HHAT: variants seen among roughly 807,000 people sequenced by gnomAD.
The protein encoded by HHAT is protein-cysteine N-palmitoyltransferase HHAT.
In HHAT, 47 loss-of-function variants were observed where a neutral mutation model predicts 70.8. That is an observed-to-expected ratio of 0.66 (90% CI 0.53 to 0.85). HHAT has a LOEUF of 0.85. HHAT is among the 40% of genes least tolerant of loss of function. The pLI, the probability that HHAT is intolerant of heterozygous loss-of-function variation, is 0.00. For synonymous variants in HHAT, 228 were observed against 247.6 expected, an observed-to-expected ratio of 0.92 and a Z score of 0.74; for missense variants, 609 against 604.8, an observed-to-expected ratio of 1.01 and a Z score of -0.07.
intron 7 of HHAT, among the ~76,000 whole-genome samples, chr1:210,455,751 A>G (rs1007948306): frequency 6.6e-6 from 1 of 152,186 alleles, no homozygotes; most frequent in Admixed American, 6.5e-5. Context: ...GAAATAAAAT[A>G]TTACAACATA....
intron 9 of HHAT, among the ~76,000 whole-genome samples, chr1:210,587,512 C>A (rs576736796): frequency 6.6e-6 from 1 of 152,330 alleles, no homozygotes; most frequent in African/African-American, 2.4e-5. Context: ...CACAGCCAAA[C>A]CATATCACCT....
chr1:210,420,536 A>G (rs2092867454), intron 7 of HHAT, among the ~76,000 whole-genome samples: 1 of 152,184 alleles, frequency 6.6e-6, no homozygotes. Flanking sequence ...AGTAAGAAAT[A>G]CATTTTGCCC....
In HHAT at chr1:210,335,646, CAG is replaced by C. The variant is rs1361203068; in HGVS notation, c.-44+6545_-44+6546del. Among the ~76,000 whole-genome samples, 4 of 152,122 alleles carry C rather than the reference CAG, an allele frequency of 2.6e-5. 1 individual carries two copies. The highest frequency in any genetic ancestry group is 5.9e-5 in the Non-Finnish European group (4 of 68,022). On this transcript the variant is annotated intron_variant, in intron 1 of 11. Coordinates refer to ENST00000261458, the MANE Select transcript of HHAT (RefSeq NM_018194.6). ...ACATCTGTGGTCTTTTGATTTATGA[CAG>C]AGGCAACACTGCAGGGCAGTGGAGA...
At chr1:210,337,935 ATAT>A (rs2085653345) in intron 1 of HHAT, among the ~76,000 whole-genome samples, 1 of 152,212 alleles carries the variant, frequency 6.6e-6, no homozygotes, top group Non-Finnish European at 1.5e-5. Flanking sequence ...TGGGTCTAAG[ATAT>A]TATTTGAGTG....
chr1:210,662,801 C>T (rs891315253), intron 11 of HHAT, among the ~76,000 whole-genome samples: 24 of 152,198 alleles, frequency 1.6e-4, no homozygotes, highest in African/African-American at 5.8e-4. Flanking sequence ...TAAGTGCTTG[C>T]CTGCAGAGCT....
At chr1:210,646,080 C>T (rs1028235197) in intron 11 of HHAT, among the ~76,000 whole-genome samples, 7 of 152,170 alleles carry the variant, frequency 4.6e-5, no homozygotes, top group Non-Finnish European at 8.8e-5. Flanking sequence ...GTTTTGAGTC[C>T]TCCAAAATCT....
At chr1:210,622,919 A>G (rs1490306895) in intron 10 of HHAT, among the ~76,000 whole-genome samples, 1 of 152,204 alleles carries the variant, frequency 6.6e-6, no homozygotes, top group Non-Finnish European at 1.5e-5. Flanking sequence ...GCAGAAAGCA[A>G]GTGGAGGTGG....
At chr1:210,662,197 C>T (rs1677878943) in intron 11 of HHAT, among the ~76,000 whole-genome samples, 1 of 152,114 alleles carries the variant, frequency 6.6e-6, no homozygotes, top group African/African-American at 2.4e-5. Flanking sequence ...AGGGGAGGAG[C>T]GTGGTGGCCC....
chr1:210,471,547 A>G (rs2094205111), intron 8 of HHAT, among the ~76,000 whole-genome samples: 1 of 152,090 alleles, frequency 6.6e-6, no homozygotes, highest in Non-Finnish European at 1.5e-5. Context: ...GAGATATCCT[A>G]ATGCCTTACA....
intron 11 of HHAT, among the ~76,000 whole-genome samples, chr1:210,669,989 C>T (rs1011295309): frequency 6.6e-6 from 1 of 151,756 alleles, no homozygotes; most frequent in Non-Finnish European, 1.5e-5. Flanking sequence ...AGGAGAATAC[C>T]CAGTGGGGAG....
At chr1:210,398,277 A>G (rs2091900392) in intron 4 of HHAT, among the ~76,000 whole-genome samples, 2 of 152,214 alleles carry the variant, frequency 1.3e-5, no homozygotes, top group Non-Finnish European at 2.9e-5. Context: ...TGCATCATGA[A>G]TGTATATAGT....
Position 210,514,798 on chromosome 1 carries a change from C to T in HHAT, c.1043+1610C>T, listed in dbSNP as rs567534299. Among the ~76,000 whole-genome samples, 38 of 152,332 alleles carry T rather than the reference C, an allele frequency of 2.5e-4. 1 individual carries two copies. In the South Asian group the frequency reaches 7.9e-3, roughly 32 times the overall value. On this transcript the variant is annotated intron_variant, in intron 9 of 11. Coordinates refer to ENST00000261458, the MANE Select transcript of HHAT (RefSeq NM_018194.6). ...ACCATGTCCACTTACTTGGATATGT[C>T]TGGGAATGCTGTCACTTGCAAAAAC...
intron 9 of HHAT, among the ~76,000 whole-genome samples, chr1:210,559,229 T>C (rs1474850357): frequency 6.6e-6 from 1 of 152,242 alleles, no homozygotes; most frequent in East Asian, 1.9e-4. Flanking sequence ...AGTATTTACC[T>C]ATTCATTTGC....
intron 3 of HHAT, among the ~76,000 whole-genome samples, chr1:210,369,200 C>CT (rs2089314821): frequency 6.6e-6 from 1 of 152,194 alleles, no homozygotes; most frequent in South Asian, 2.1e-4. Flanking sequence ...TCTCAAAATC[C>CT]TAATGCATTA....
At chr1:210,594,520 T>C (rs1185197624) in intron 10 of HHAT, among the ~76,000 whole-genome samples, 1 of 152,212 alleles carries the variant, frequency 6.6e-6, no homozygotes, top group Non-Finnish European at 1.5e-5. Flanking sequence ...ATCTATGTCT[T>C]TAAAAGTTGT....
intron 9 of HHAT, among the ~76,000 whole-genome samples, chr1:210,554,601 G>A (rs1008685707): frequency 6.6e-6 from 1 of 152,168 alleles, no homozygotes; most frequent in South Asian, 2.1e-4. Flanking sequence ...ATATACTAGC[G>A]AGGAGGCGGG....
intron 9 of HHAT, among the ~76,000 whole-genome samples, chr1:210,553,630 T>C (rs1222236669): frequency 6.6e-6 from 1 of 152,206 alleles, no homozygotes; most frequent in African/African-American, 2.4e-5. Context: ...ACAGTACTCT[T>C]CTCTGAGGCC....
chr1:210,521,694 A>C (rs1000520899), intron 9 of HHAT, among the ~76,000 whole-genome samples: 4 of 152,180 alleles, frequency 2.6e-5, no homozygotes, highest in Non-Finnish European at 4.4e-5. Context: ...TTTAAGAAGC[A>C]AGGTGGTCAA....
intron 9 of HHAT, among the ~76,000 whole-genome samples, chr1:210,540,467 ACACG>A (rs766437806): frequency 8.1e-5 from 9 of 111,776 alleles, no homozygotes; most frequent in South Asian, 2.9e-4. Flanking sequence ...ACACACACAC[ACACG>A]CACACACATG....
Sources: gnomAD v4.1 joint callset for allele counts (sites outside exome capture counted in the v4.1 genomes callset) on GRCh38, gnomAD v4.1.1 for gene constraint, MANE v1.5 for transcripts, NCBI Gene and HGNC (gene_info 2026-07-23, HGNC 2026-07-21) for gene names.